The following FZD6 variants were observed in gnomAD, a reference collection of about 807,000 sequenced individuals.
FZD6 encodes frizzled class receptor 6.
A neutral mutation model predicts 61.4 loss-of-function variants in FZD6; 49 were observed. The ratio of observed to expected loss-of-function variants is 0.80; its 90% CI spans 0.63 to 1.01. FZD6 has a LOEUF of 1.01. Among genes scored for constraint, FZD6 ranks in the 50% least tolerant of loss-of-function variants. The pLI is 0.00. For missense variants in FZD6, 724 were observed against 848.2 expected (o/e 0.85, Z 1.82); for synonymous variants, 265 against 292.2 (o/e 0.91, Z 0.95).
chr8:103,311,604 C>G (rs1814497631), intron 2 of FZD6, among the ~76,000 whole-genome samples: 1 of 149,632 alleles, frequency 6.7e-6, no homozygotes, highest in Non-Finnish European at 1.5e-5. Context: ...CACTTGAGCC[C>G]AGGAATTGGA....
chr8:103,323,840 A>T (rs1814861883), intron 3 of FZD6, among the ~76,000 whole-genome samples: 1 of 152,204 alleles, frequency 6.6e-6, no homozygotes, highest in Non-Finnish European at 1.5e-5. Context: ...ATCACTCAGG[A>T]CTGTCCATAA....
Position 103,300,104 on chromosome 8 carries a change from GA to G in FZD6, c.1del. On this transcript the variant is annotated 5_prime_UTR_variant, in exon 2 of 7. Coordinates refer to ENST00000358755, the MANE Select transcript of FZD6 (RefSeq NM_003506.4). ...CATGTGGTAAAATCAGGAATTTGAAGAAAATGGAAATGTTTACATTTTTGTT... is the reference window on the plus strand; with the variant it reads ...CATGTGGTAAAATCAGGAATTTGAAGAAATGGAAATGTTTACATTTTTGTT... 2 of 1,559,982 alleles carry G rather than the reference GA, an allele frequency of 1.3e-6. No individual in the cohort carries two copies. Among genetic ancestry groups the G allele is most frequent in the Non-Finnish European group, 1.8e-6 (2 of 1,130,458 alleles).
intron 5 of FZD6, among the ~76,000 whole-genome samples, chr8:103,329,013 T>TTATATATATA (rs55730772): frequency 0.13 from 14,993 of 115,052 alleles, 1,595 homozygotes; most frequent in East Asian, 0.39. Context: ...CATTTTAGTT[T>TTATATATATA]TATATATATA....
chr8:103,317,301 G>A (rs1433005669), intron 2 of FZD6, among the ~76,000 whole-genome samples: 4 of 152,210 alleles, frequency 2.6e-5, no homozygotes, highest in Non-Finnish European at 5.9e-5. Context: ...GAGACATAGC[G>A]GGGAACACGG....
chr8:103,317,370 T>C (rs1308869029), intron 2 of FZD6, among the ~76,000 whole-genome samples: 5 of 152,220 alleles, frequency 3.3e-5, no homozygotes, highest in African/African-American at 1.2e-4. Context: ...CTGGAGTCTT[T>C]GAACAAGGAT....
At chr8:103,322,850 A>G (rs1814831023) in intron 3 of FZD6, among the ~76,000 whole-genome samples, 1 of 152,186 alleles carries the variant, frequency 6.6e-6, no homozygotes, top group African/African-American at 2.4e-5. Flanking sequence ...AGAAACTCTT[A>G]CACAGAGAGT....
chr8:103,330,973 C>T (rs917375383), intron 6 of FZD6, among the ~76,000 whole-genome samples: 3 of 152,114 alleles, frequency 2.0e-5, no homozygotes, highest in Admixed American at 6.5e-5. Context: ...GTCAGGAGAT[C>T]GAGACCATTC....
In FZD6 at chr8:103,318,691, A is replaced by C. The variant is rs1236021570; in HGVS notation, c.279A>C (p.Pro93=). 3.1e-6 allele frequency: 5 copies of C among 1,607,432 alleles called. No individual in the cohort carries two copies. The highest frequency in any genetic ancestry group is 3.3e-5 in the Admixed American group (2 of 59,954). The change falls in exon 3 of 7, where the codon CCA becomes CCC. Residue 93 remains proline (P), a synonymous_variant. Coordinates refer to ENST00000358755, the MANE Select transcript of FZD6 (RefSeq NM_003506.4). ...PTCIEQIHVV[P]PCRKLCEKVY... ...GCATAGAACAAATTCATGTGGTTCC[A>C]CCTTGTCGTAAACTTTGTGAGAAAG...
chr8:103,302,742 T>C (rs1284385331), intron 2 of FZD6, among the ~76,000 whole-genome samples: 1 of 152,240 alleles, frequency 6.6e-6, no homozygotes, highest in Admixed American at 6.5e-5. Flanking sequence ...TTGTTTTACC[T>C]CTGTTTAGCT....
intron 2 of FZD6, among the ~76,000 whole-genome samples, chr8:103,307,537 A>C (rs1226327621): frequency 6.6e-6 from 1 of 152,162 alleles, no homozygotes. Flanking sequence ...TTTCAGTTCT[A>C]CTTTTTGACA....
chr8:103,318,724 T>C lies in FZD6; in HGVS notation c.312T>C (p.Ser104=). ...PCRKLCEKVY[S]DCKKLIDTFG... ...GTAAACTTTGTGAGAAAGTATATTC[T>C]GATTGCAAAAAATTAATTGACACTT... is the stretch of plus-strand genomic sequence containing the variant. The change falls in exon 3 of 7, where the codon TCT becomes TCC. Residue 104 remains serine, a synonymous_variant. Coordinates refer to ENST00000358755, the MANE Select transcript of FZD6 (RefSeq NM_003506.4). The C allele has an allele frequency of 1.2e-6, 2 of 1,611,256 alleles. No individual in the cohort carries two copies. The highest frequency in any genetic ancestry group is 1.7e-6 in the Non-Finnish European group (2 of 1,177,408).
chr8:103,318,777 A>C lies in FZD6; in HGVS notation c.365A>C (p.Glu122Ala), dbSNP rs939650828. 5 of 1,587,118 alleles carry C rather than the reference A, an allele frequency of 3.2e-6. No homozygotes were observed. Among genetic ancestry groups the C allele is most frequent in the Non-Finnish European group, 3.5e-6 (4 of 1,155,636 alleles). Reference protein sequence around the residue: ...TFGIRWPEELECDRLQYCDET... With the variant: ...TFGIRWPEELACDRLQYCDET... Reference sequence around the variant, plus strand: ...GGGATCCGATGGCCTGAGGAGCTTGAATGTGACAGGTAAACAATGTTTTTC... The same window carrying C: ...GGGATCCGATGGCCTGAGGAGCTTGCATGTGACAGGTAAACAATGTTTTTC... The change falls in exon 3 of 7, where the codon GAA becomes GCA. Residue 122 changes from glutamate (E) to alanine (A), a missense_variant. Glu to Ala is a moderately radical substitution (Grantham distance 107, BLOSUM62 -1). Coordinates refer to ENST00000358755, the MANE Select transcript of FZD6 (RefSeq NM_003506.4).
chr8:103,322,061 G>T (rs1814805820), intron 3 of FZD6, among the ~76,000 whole-genome samples: 1 of 152,116 alleles, frequency 6.6e-6, no homozygotes, highest in Admixed American at 6.5e-5. Flanking sequence ...CAGCCACTAT[G>T]CTATGACAGA....
At chr8:103,299,437 C>T (rs1388911093) in intron 1 of FZD6, among the ~76,000 whole-genome samples, 1 of 152,194 alleles carries the variant, frequency 6.6e-6, no homozygotes, top group Non-Finnish European at 1.5e-5. Flanking sequence ...AATGTTGCTC[C>T]TCCACTGGAG....
At chr8:103,298,881 G>A, upstream of FZD6, 1 of 154,942 alleles carries the variant, frequency 6.5e-6, no homozygotes, top group Non-Finnish European at 1.4e-5. Flanking sequence ...TCCCCGTGCG[G>A]CTCTCGAGGC....
Position 103,324,872 on chromosome 8 carries a change from G to GAT in FZD6, c.768_769dup (p.Ser257IlefsTer12). 6.2e-7 allele frequency: 1 copy of GAT among 1,613,816 alleles called. No homozygotes were observed. On this transcript the variant is annotated frameshift_variant, in exon 4 of 7. Coordinates refer to ENST00000358755, the MANE Select transcript of FZD6 (RefSeq NM_003506.4). LOFTEE classifies it high-confidence loss of function. Reference sequence around the variant, plus strand: ...GTACTTCATTGGATTTTTGCTAGGCGATAGCACAGCCTGCAATAAGGCAGA... The same window carrying GAT: ...GTACTTCATTGGATTTTTGCTAGGCGATATAGCACAGCCTGCAATAAGGCAGA...
chr8:103,303,913 C>T lies in FZD6; in HGVS notation c.177+3629C>T, dbSNP rs188829190. Reference sequence around the variant, plus strand: ...TTTGATCGGACCGTTGGATTATAAGCTATATGAGTCAGTTTTTTTTTTTTC... The same window carrying T: ...TTTGATCGGACCGTTGGATTATAAGTTATATGAGTCAGTTTTTTTTTTTTC... On this transcript the variant is annotated intron_variant, in intron 2 of 6. Transcript: ENST00000358755. Among the ~76,000 whole-genome samples, 340 of 126,058 alleles carry T rather than the reference C, an allele frequency of 2.7e-3. 2 individuals carry two copies. The highest frequency in any genetic ancestry group is 0.011 in the African/African-American group (328 of 29,570). The allele number at this position is 126,058 out of a possible 152,430, so 82.7% of individuals were successfully genotyped here.
At chr8:103,307,371 A>G (rs1213142032) in intron 2 of FZD6, among the ~76,000 whole-genome samples, 1 of 152,172 alleles carries the variant, frequency 6.6e-6, no homozygotes, top group Non-Finnish European at 1.5e-5. Flanking sequence ...GTGTTTATTC[A>G]TTCAACAAAT....
intron 2 of FZD6, chr8:103,307,845 G>C (rs142233358): frequency 2.2e-6 from 1 of 455,980 alleles, no homozygotes; most frequent in Admixed American, 2.3e-5. Context: ...AGCTCAGGCT[G>C]TAAGGAAACA....
Sources: gnomAD v4.1 joint callset for allele counts (sites outside exome capture counted in the v4.1 genomes callset) on GRCh38, gnomAD v4.1.1 for gene constraint, MANE v1.5 for transcripts, NCBI Gene and HGNC (gene_info 2026-07-23, HGNC 2026-07-21) for gene names.